Variants in MAP2K1 observed in about 807,000 individuals in gnomAD.
MAP2K1 encodes dual specificity mitogen-activated protein kinase kinase 1.
Under a neutral mutation model 46.3 loss-of-function variants are expected in MAP2K1, and 16 were observed. That is an observed-to-expected ratio of 0.35 (90% CI 0.23 to 0.52). The LOEUF is 0.52. Ranked by LOEUF, MAP2K1 falls within the 20% of genes least tolerant of loss-of-function variation. The probability of loss-of-function intolerance (pLI) is 0.94; values close to 1 mark genes in which losing one functional copy is unlikely to be tolerated. For missense variants in MAP2K1, 263 were observed against 497.1 expected (o/e 0.53, Z 4.48); for synonymous variants, 183 against 185.6 (o/e 0.99, Z 0.11).
At chr15:66,388,422 C>T (rs57937561) in intron 1 of MAP2K1, among the ~76,000 whole-genome samples, 11,810 of 152,130 alleles carry the variant, frequency 0.078, 1,521 homozygotes, top group African/African-American at 0.27. Flanking sequence ...GGATTGGGTT[C>T]TTAATCTTTT....
chr15:66,396,669 T>A (rs912850076), intron 1 of MAP2K1, among the ~76,000 whole-genome samples: 2 of 152,164 alleles, frequency 1.3e-5, no homozygotes, highest in African/African-American at 2.4e-5. Context: ...CATCACTCCC[T>A]ACTTAGTTAT....
chr15:66,455,281 A>G (rs1892138399), intron 5 of MAP2K1, among the ~76,000 whole-genome samples: 1 of 152,236 alleles, frequency 6.6e-6, no homozygotes, highest in Non-Finnish European at 1.5e-5. Flanking sequence ...AATAAAAAGT[A>G]ACGTACAAAA....
At chr15:66,393,858 G>T (rs966552798) in intron 1 of MAP2K1, among the ~76,000 whole-genome samples, 1 of 152,154 alleles carries the variant, frequency 6.6e-6, no homozygotes, top group Non-Finnish European at 1.5e-5. Context: ...TCACCCCTCT[G>T]TTGAAATGTC....
chr15:66,424,557 G>GTAA (rs1413252596), intron 1 of MAP2K1, among the ~76,000 whole-genome samples: 1 of 152,126 alleles, frequency 6.6e-6, no homozygotes, highest in East Asian at 1.9e-4. Context: ...AATTTCTCCA[G>GTAA]TAATGGGTTT....
At chr15:66,434,713 G>A (rs2140577674) in intron 1 of MAP2K1, among the ~76,000 whole-genome samples, 1 of 152,302 alleles carries the variant, frequency 6.6e-6, no homozygotes, top group East Asian at 1.9e-4. Context: ...AATTAAGGTG[G>A]CTCATTCTGG....
intron 1 of MAP2K1, among the ~76,000 whole-genome samples, chr15:66,399,013 T>TC (rs917125676): frequency 6.6e-6 from 1 of 152,184 alleles, no homozygotes; most frequent in African/African-American, 2.4e-5. Context: ...CCTGAAGTGA[T>TC]CCGCCTGCCG....
At chr15:66,440,022 T>C (rs901016252) in intron 3 of MAP2K1, among the ~76,000 whole-genome samples, 3 of 152,034 alleles carry the variant, frequency 2.0e-5, no homozygotes, top group Non-Finnish European at 2.9e-5. Flanking sequence ...CTACAACTTA[T>C]GTTTTGAGAT....
In MAP2K1 at chr15:66,389,354, T is replaced by C. The variant is rs149395790; in HGVS notation, c.80+1927T>C. On this transcript the variant is annotated intron_variant, in intron 1 of 10. Coordinates refer to ENST00000307102, the MANE Select transcript of MAP2K1 (RefSeq NM_002755.4). ...TCCTATTTGATTTGGAAGTGGATAC[T>C]GAGTAGAAGTACCTGTTATCATTCT... Among the ~76,000 whole-genome samples, 496 of 152,324 alleles carry C rather than the reference T, an allele frequency of 3.3e-3. 3 individuals carry two copies. The highest frequency in any genetic ancestry group is 0.011 in the African/African-American group (472 of 41,574).
intron 1 of MAP2K1, among the ~76,000 whole-genome samples, chr15:66,395,874 G>GT: frequency 6.6e-6 from 1 of 152,010 alleles, no homozygotes; most frequent in Admixed American, 6.5e-5. Context: ...CCTCTTGCAT[G>GT]TTTTTATTTT....
intron 1 of MAP2K1, among the ~76,000 whole-genome samples, chr15:66,397,336 A>C (rs1366635161): frequency 6.6e-6 from 1 of 152,132 alleles, no homozygotes; most frequent in Non-Finnish European, 1.5e-5. Flanking sequence ...CCTCGGTCAT[A>C]TCACTTAACC....
chr15:66,453,596 G>A, intron 5 of MAP2K1: 1 of 702,200 alleles, frequency 1.4e-6, no homozygotes, highest in Non-Finnish European at 2.6e-6. Flanking sequence ...AGAGAGAGCA[G>A]TCTCCTTGTC....
chr15:66,490,489 T>A lies in MAP2K1; in HGVS notation c.1069-13T>A. The A allele has an allele frequency of 6.3e-7, 1 of 1,583,522 alleles. No homozygotes were observed. Among genetic ancestry groups the A allele is most frequent in the Non-Finnish European group, 8.7e-7 (1 of 1,152,140 alleles). On this transcript the variant is annotated splice_polypyrimidine_tract_variant and intron_variant, in intron 10 of 10. Transcript: ENST00000307102. ...CTTTTTAACACCACGTCCTCTCGTT[T>A]CCTTACATGCAGGTTCATGCTTTTA...
At chr15:66,419,147 A>G (rs2093431531) in intron 1 of MAP2K1, among the ~76,000 whole-genome samples, 1 of 150,000 alleles carries the variant, frequency 6.7e-6, no homozygotes, top group Admixed American at 6.6e-5. Context: ...TTTGTCTTAT[A>G]ACTTCTGTTT....
At position 66,437,661 on chromosome 15, in the gene MAP2K1, G is replaced by A. The variant is rs1369004485; in HGVS notation, c.438+769G>A. ...ACCTTTAGAATAGGGATCCTGGTGT[G>A]CAGCCTTAATGAACTTTAGAAGAAC... On this transcript the variant is annotated intron_variant, in intron 3 of 10. Transcript: ENST00000307102. Among the ~76,000 whole-genome samples, 6 of 152,124 alleles carry A rather than the reference G, an allele frequency of 3.9e-5. 1 individual carries two copies. In the South Asian group the frequency reaches 1.2e-3, roughly 32 times the overall value.
intron 5 of MAP2K1, among the ~76,000 whole-genome samples, chr15:66,460,071 C>T (rs1567017676): frequency 6.6e-6 from 1 of 152,154 alleles, no homozygotes; most frequent in Non-Finnish European, 1.5e-5. Context: ...ACAAGGTGCT[C>T]CTGGCTACAT....
intron 5 of MAP2K1, among the ~76,000 whole-genome samples, chr15:66,452,303 AG>A (rs869306434): frequency 1.4e-3 from 66 of 47,116 alleles, no homozygotes; most frequent in African/African-American, 2.7e-3. Context: ...AAAAAAAAAA[AG>A]AAAAAAAAAA....
At chr15:66,412,271 G>A (rs929731263) in intron 1 of MAP2K1, among the ~76,000 whole-genome samples, 4 of 152,208 alleles carry the variant, frequency 2.6e-5, no homozygotes, top group Non-Finnish European at 5.9e-5. Flanking sequence ...ACACCTCTGC[G>A]TTTGCTGTGG....
chr15:66,393,182 CT>C (rs34725770), intron 1 of MAP2K1, among the ~76,000 whole-genome samples: 240 of 143,752 alleles, frequency 1.7e-3, no homozygotes, highest in Middle Eastern at 3.5e-3. Context: ...TTCTCTCTCT[CT>C]TTTTTTTTTT....
At chr15:66,456,164 T>C (rs538249133) in intron 5 of MAP2K1, among the ~76,000 whole-genome samples, 12 of 152,318 alleles carry the variant, frequency 7.9e-5, no homozygotes, top group African/African-American at 2.9e-4. Flanking sequence ...TTAGGTGAAT[T>C]ACTCGTTAGG....
Sources: allele counts gnomAD v4.1 joint callset (sites outside exome capture counted in the v4.1 genomes callset), GRCh38; gene constraint gnomAD v4.1.1; transcripts MANE v1.5; gene names NCBI Gene and HGNC (gene_info 2026-07-23, HGNC 2026-07-21).